GRAMD1C: variants seen among roughly 807,000 people sequenced by gnomAD.
The protein encoded by GRAMD1C is protein Aster-C.
In GRAMD1C, 89 loss-of-function variants were observed where a neutral mutation model predicts 97.8. The ratio of observed to expected loss-of-function variants is 0.91; its 90% confidence interval spans 0.77 to 1.09. GRAMD1C has a LOEUF of 1.09. GRAMD1C is among the 50% of genes least tolerant of loss of function. The pLI, the probability that GRAMD1C is intolerant of heterozygous loss-of-function variation, is 0.00. For missense variants in GRAMD1C, 740 were observed against 766.4 expected, an observed-to-expected ratio of 0.97 and a Z score of 0.41; for synonymous variants, 256 against 267.0, an observed-to-expected ratio of 0.96 and a Z score of 0.40.
intron 2 of GRAMD1C, among the ~76,000 whole-genome samples, chr3:113,869,171 C>T (rs952021148): frequency 1.3e-5 from 2 of 152,090 alleles, no homozygotes; most frequent in Non-Finnish European, 2.9e-5. Flanking sequence ...CAGACTTCCA[C>T]CATCCTTACC....
intron 13 of GRAMD1C, among the ~76,000 whole-genome samples, chr3:113,935,560 A>G (rs1320197743): frequency 6.6e-6 from 1 of 151,954 alleles, no homozygotes; most frequent in Non-Finnish European, 1.5e-5. Flanking sequence ...ATATATACAC[A>G]TATATATACA....
chr3:113,880,407 C>T (rs577005708), intron 5 of GRAMD1C, among the ~76,000 whole-genome samples: 3 of 151,842 alleles, frequency 2.0e-5, no homozygotes, highest in Middle Eastern at 3.4e-3. Flanking sequence ...TGTTGTTTTT[C>T]GGCTCTCCTT....
chr3:113,885,156 C>T (rs1935418730), intron 6 of GRAMD1C: 1 of 604,328 alleles, frequency 1.7e-6, no homozygotes, highest in Non-Finnish European at 2.9e-6. Flanking sequence ...CTTTCTGAGC[C>T]GCCCGCTCCG....
chr3:113,940,415 TGA>T (rs1937714894), intron 17 of GRAMD1C, 70 bp downstream of exon 17: 1 of 869,338 alleles, frequency 1.2e-6, no homozygotes, highest in Admixed American at 1.9e-5. Context: ...CTTCTGTGTA[TGA>T]GAGAATATTT....
chr3:113,914,531 A>T (rs1159926389), intron 9 of GRAMD1C, among the ~76,000 whole-genome samples: 3 of 152,214 alleles, frequency 2.0e-5, no homozygotes, highest in Admixed American at 2.0e-4. Flanking sequence ...TTTCTGAAAC[A>T]TGGGGAGCTT....
At chr3:113,886,036 T>C in intron 6 of GRAMD1C, 1 of 963,504 alleles carries the variant, frequency 1.0e-6, no homozygotes, top group South Asian at 1.3e-5. Context: ...TGGTGACAGC[T>C]AATCCCCCTC....
intron 2 of GRAMD1C, among the ~76,000 whole-genome samples, chr3:113,847,163 G>A (rs1933647317): frequency 6.6e-6 from 1 of 152,060 alleles, no homozygotes; most frequent in African/African-American, 2.4e-5. Flanking sequence ...AATGATAGCA[G>A]AAACTCAAAA....
At chr3:113,850,532 GA>G (rs1284645166) in intron 2 of GRAMD1C, 2 of 1,594,012 alleles carry the variant, frequency 1.3e-6, no homozygotes, top group Non-Finnish European at 1.7e-6. Flanking sequence ...GGTACCAGTA[GA>G]AATGTCTCCA....
At position 113,909,169 on chromosome 3, in the gene GRAMD1C, T is replaced by A. The variant is rs113122451; in HGVS notation, c.952+49T>A. 8.3e-6 allele frequency: 8 copies of A among 968,456 alleles called. No homozygotes were observed. The African/African-American group carries it at 8.6e-5, about 10-fold the overall frequency. The allele number at this position is 968,456 out of a possible 1,614,324, so 60.0% of individuals were successfully genotyped here. A position where few individuals can be genotyped will look rare whatever the true frequency, so the allele number is the denominator to read the frequency against. On this transcript the variant is annotated intron_variant, in intron 9 of 17. Coordinates refer to ENST00000358160, the MANE Select transcript of GRAMD1C (RefSeq NM_017577.5). ...ATTAAATTTCAGTTATGTCTTTTTA[T>A]GTTTATCTTTGTAATAGGGGTGTGC...
At chr3:113,837,376 C>T (rs1709650304), upstream of GRAMD1C, among the ~76,000 whole-genome samples, 1 of 152,182 alleles carries the variant, frequency 6.6e-6, no homozygotes, top group Non-Finnish European at 1.5e-5. Context: ...GTTAAGGACA[C>T]ACCTGTGACA....
At chr3:113,941,534 TTGAG>T (rs1937775667) in intron 17 of GRAMD1C, among the ~76,000 whole-genome samples, 1 of 152,202 alleles carries the variant, frequency 6.6e-6, no homozygotes, top group South Asian at 2.1e-4. Flanking sequence ...AATTCTTCCA[TTGAG>T]TTTTTCAGTT....
Position 113,915,584 on chromosome 3 carries a change from A to G in GRAMD1C, c.953-117A>G, listed in dbSNP as rs1422891160. 5 of 714,052 alleles carry G rather than the reference A, an allele frequency of 7.0e-6. No individual in the cohort carries two copies. In the Admixed American group the frequency reaches 8.8e-5, roughly 13 times the overall value. The allele number at this position is 714,052 out of a possible 1,614,324, so 44.2% of individuals were successfully genotyped here. A position where few individuals can be genotyped will look rare whatever the true frequency, so the allele number is the denominator to read the frequency against. On this transcript the variant is annotated intron_variant, in intron 9 of 17. Coordinates refer to ENST00000358160, the MANE Select transcript of GRAMD1C (RefSeq NM_017577.5). Reference sequence around the variant, plus strand: ...AGAATGTTCTCCTCATTGTAATCATATTTAAAAACCATTTTATGCCCAAAA... The same window carrying G: ...AGAATGTTCTCCTCATTGTAATCATGTTTAAAAACCATTTTATGCCCAAAA...
chr3:113,891,921 G>T (rs1031998194), intron 6 of GRAMD1C, among the ~76,000 whole-genome samples: 2 of 151,380 alleles, frequency 1.3e-5, no homozygotes, highest in African/African-American at 2.4e-5. Flanking sequence ...TATTATATTT[G>T]TGTTGCATGT....
At chr3:113,852,803 A>C (rs1264416198) in intron 2 of GRAMD1C, among the ~76,000 whole-genome samples, 2 of 152,170 alleles carry the variant, frequency 1.3e-5, no homozygotes, top group African/African-American at 4.8e-5. Flanking sequence ...ACCCTCTGTG[A>C]AATACAGATG....
chr3:113,873,815 G>A (rs928241937), intron 3 of GRAMD1C, among the ~76,000 whole-genome samples: 2 of 152,086 alleles, frequency 1.3e-5, no homozygotes, highest in African/African-American at 4.8e-5. Context: ...CACCACACTC[G>A]GCCGCAATAT....
chr3:113,888,685 A>G (rs1577168627), intron 6 of GRAMD1C, among the ~76,000 whole-genome samples: 1 of 152,338 alleles, frequency 6.6e-6, no homozygotes, highest in East Asian at 1.9e-4. Flanking sequence ...TTTAAATACA[A>G]ATGCTGTTGA....
Position 113,841,285 on chromosome 3 carries a change from C to CTTTTTTTTTTTTTTTTT in GRAMD1C, c.27+2365_27+2366insTTTTTTTTTTTTTTTTT, listed in dbSNP as rs772233296. Among the ~76,000 whole-genome samples the CTTTTTTTTTTTTTTTTT allele has an allele frequency of 2.5e-4, 24 of 94,336 alleles. 1 individual carries two copies. Among genetic ancestry groups the CTTTTTTTTTTTTTTTTT allele is most frequent in the African/African-American group, 3.1e-4 (8 of 25,844 alleles). 61.9% of individuals were successfully genotyped at this position (94,336 alleles called of 152,430 possible). On this transcript the variant is annotated intron_variant, in intron 1 of 17. Coordinates refer to ENST00000358160, the MANE Select transcript of GRAMD1C (RefSeq NM_017577.5). Reference sequence around the variant, plus strand: ...TCACAAAGTACTTCTTTCTTTCTTTCTTTTTTTTTTTTTTTTGCGAGACAG... The same window carrying CTTTTTTTTTTTTTTTTT: ...TCACAAAGTACTTCTTTCTTTCTTTCTTTTTTTTTTTTTTTTTTTTTTTTTTTTTTTTTGCGAGACAG...
At chr3:113,879,161 C>T (rs892542943) in intron 5 of GRAMD1C, among the ~76,000 whole-genome samples, 10 of 151,306 alleles carry the variant, frequency 6.6e-5, no homozygotes, top group Admixed American at 1.3e-4. Flanking sequence ...GTCGAGACCG[C>T]GCCACTGCAC....
chr3:113,849,552 C>T (rs1312912423), intron 2 of GRAMD1C, among the ~76,000 whole-genome samples: 1 of 151,864 alleles, frequency 6.6e-6, no homozygotes, highest in African/African-American at 2.4e-5. Context: ...TTGCACCGCC[C>T]TTAATCCATT....
Sources: allele counts gnomAD v4.1 joint callset (sites outside exome capture counted in the v4.1 genomes callset), GRCh38; gene constraint gnomAD v4.1.1; transcripts MANE v1.5; gene names NCBI Gene and HGNC (gene_info 2026-07-23, HGNC 2026-07-21).